The following TMEFF2 variants were observed in gnomAD, a reference collection of about 807,000 sequenced individuals.
TMEFF2 encodes the protein transmembrane protein with EGF like and two follistatin like domains 2, also known as tomoregulin-2.
In TMEFF2, 28 loss-of-function variants were observed where a neutral mutation model predicts 53.8. That is an observed-to-expected ratio of 0.52 (90% CI 0.39 to 0.71). The LOEUF is 0.71. Ranked by LOEUF, TMEFF2 falls within the 30% of genes least tolerant of loss-of-function variation. The pLI, the probability that TMEFF2 is intolerant of heterozygous loss-of-function variation, is 0.00. For synonymous variants in TMEFF2, 162 were observed against 166.3 expected, an observed-to-expected ratio of 0.97 and a Z score of 0.20; for missense variants, 353 against 455.2, an observed-to-expected ratio of 0.78 and a Z score of 2.04.
At chr2:191,984,396 G>C (rs561181244) in intron 7 of TMEFF2, among the ~76,000 whole-genome samples, 32 of 152,082 alleles carry the variant, frequency 2.1e-4, no homozygotes, top group African/African-American at 6.3e-4. Flanking sequence ...CTTACTTTCT[G>C]TTTATCCAGA....
At chr2:192,039,916 T>C (rs1437799341) in intron 5 of TMEFF2, among the ~76,000 whole-genome samples, 2 of 152,112 alleles carry the variant, frequency 1.3e-5, no homozygotes, top group Admixed American at 1.3e-4. Flanking sequence ...CTGTACTGGC[T>C]CATATAACTA....
At chr2:192,084,923 T>C (rs1454187944) in intron 4 of TMEFF2, among the ~76,000 whole-genome samples, 1 of 152,204 alleles carries the variant, frequency 6.6e-6, no homozygotes, top group Non-Finnish European at 1.5e-5. Flanking sequence ...AAAAATGCAA[T>C]TGTAGCTGTT....
chr2:192,184,422 T>C lies in TMEFF2; in HGVS notation c.344A>G (p.Tyr115Cys). The change falls in exon 3 of 10, where the codon TAC becomes TGC. Residue 115 changes from tyrosine (Y) to cysteine (C), a missense_variant. Physicochemically the swap from Tyr to Cys is radical, Grantham distance 194. Transcript: ENST00000272771. ...SNGESYQNEC[Y>C]LRQAACKQQS... Reference sequence around the variant, plus strand: ...CTGTTTGCATGCAGCCTGTCGCAGGTAACACTCATTCTGGTAGCTCTCCCC... The same window carrying C: ...CTGTTTGCATGCAGCCTGTCGCAGGCAACACTCATTCTGGTAGCTCTCCCC... 6.2e-7 allele frequency: 1 copy of C among 1,613,462 alleles called. No individual in the cohort carries two copies. Among genetic ancestry groups the C allele is most frequent in the South Asian group, 1.1e-5 (1 of 91,068 alleles).
chr2:192,055,827 C>CA (rs930124339), intron 5 of TMEFF2, among the ~76,000 whole-genome samples: 6 of 105,324 alleles, frequency 5.7e-5, no homozygotes, highest in Middle Eastern at 5.0e-3. Context: ...CAATAAAAAA[C>CA]AAAAAACATA....
chr2:192,073,307 A>T (rs939388923), intron 4 of TMEFF2, among the ~76,000 whole-genome samples: 1 of 151,916 alleles, frequency 6.6e-6, no homozygotes, highest in Non-Finnish European at 1.5e-5. Context: ...GAAAACTGCT[A>T]TATGTTGACA....
chr2:192,120,538 CCT>C lies in TMEFF2; in HGVS notation c.439+59128_439+59129del, dbSNP rs1406818117. Among the ~76,000 whole-genome samples the C allele has an allele frequency of 5.3e-5, 8 of 152,284 alleles. 1 individual carries two copies. In the East Asian group the frequency reaches 1.4e-3, roughly 26 times the overall value. On this transcript the variant is annotated intron_variant, in intron 4 of 9. Transcript: ENST00000272771. The stretch of plus-strand genomic sequence containing the variant: ...GGCATAAAATCCAACTTGTTCTTCC[CCT>C]CTCTGAAGAGAGAGCACCTTTGTGC...
chr2:191,964,390 CTTTCTTTCTCTTTCTTTCT>C (rs1559063682), intron 7 of TMEFF2, among the ~76,000 whole-genome samples: 5 of 32,876 alleles, frequency 1.5e-4, no homozygotes, highest in African/African-American at 5.1e-4. Flanking sequence ...TTCTTTCTTT[CTTTCTTTCTCTTTCTTTCT>C]TTCTTTCTTT....
chr2:192,133,307 C>G (rs1023847239), intron 4 of TMEFF2, among the ~76,000 whole-genome samples: 5 of 152,102 alleles, frequency 3.3e-5, no homozygotes, highest in African/African-American at 1.2e-4. Context: ...CCTTAACCCA[C>G]AAGTATAAGA....
chr2:192,029,979 C>G (rs1010341122), intron 5 of TMEFF2, among the ~76,000 whole-genome samples: 6 of 152,116 alleles, frequency 3.9e-5, no homozygotes, highest in African/African-American at 1.4e-4. Flanking sequence ...TGGAAAACTC[C>G]ACTGTGCATT....
intron 4 of TMEFF2, among the ~76,000 whole-genome samples, chr2:192,103,746 C>A (rs1213356908): frequency 6.6e-6 from 1 of 151,660 alleles, no homozygotes; most frequent in African/African-American, 2.4e-5. Context: ...ATGGTGGGGT[C>A]ATTAGTAGAA....
chr2:192,051,032 A>G (rs1465243029), intron 5 of TMEFF2, among the ~76,000 whole-genome samples: 1 of 152,128 alleles, frequency 6.6e-6, no homozygotes, highest in Non-Finnish European at 1.5e-5. Context: ...GTTCCCACTC[A>G]TTGACACAAA....
intron 5 of TMEFF2, among the ~76,000 whole-genome samples, chr2:192,002,049 G>C (rs1686378473): frequency 6.6e-6 from 1 of 150,398 alleles, no homozygotes; most frequent in Non-Finnish European, 1.5e-5. Flanking sequence ...TTTTCAGTTT[G>C]ACTAATCTGA....
chr2:192,108,161 T>C (rs1689194659), intron 4 of TMEFF2, among the ~76,000 whole-genome samples: 1 of 151,852 alleles, frequency 6.6e-6, no homozygotes, highest in South Asian at 2.1e-4. Flanking sequence ...TTAACTCTGA[T>C]ATTTTCCATA....
chr2:192,047,898 AGTAAACC>A (rs1687662653), intron 5 of TMEFF2, among the ~76,000 whole-genome samples: 1 of 152,216 alleles, frequency 6.6e-6, no homozygotes, highest in African/African-American at 2.4e-5. Context: ...ACTATTTGGA[AGTAAACC>A]ACAGAAGACC....
At chr2:192,130,051 T>C (rs1383440922) in intron 4 of TMEFF2, among the ~76,000 whole-genome samples, 1 of 152,230 alleles carries the variant, frequency 6.6e-6, no homozygotes, top group African/African-American at 2.4e-5. Flanking sequence ...CACTGTGATT[T>C]GTAGTTTTTA....
intron 5 of TMEFF2, among the ~76,000 whole-genome samples, chr2:192,043,503 A>T (rs1305665173): frequency 1.3e-5 from 2 of 152,176 alleles, no homozygotes; most frequent in East Asian, 3.9e-4. Context: ...CTAGCTCTGA[A>T]CTGACACTAA....
chr2:192,063,055 T>A (rs929007474), intron 4 of TMEFF2, among the ~76,000 whole-genome samples: 1 of 151,890 alleles, frequency 6.6e-6, no homozygotes, highest in Non-Finnish European at 1.5e-5. Flanking sequence ...ATTTTATTGA[T>A]TTCTGTTCTT....
At chr2:191,950,601 T>C in intron 9 of TMEFF2, 194 bp from the exon 10 acceptor site, 1 of 770,374 alleles carries the variant, frequency 1.3e-6, no homozygotes, top group Non-Finnish European at 2.2e-6. Flanking sequence ...CTTTAAATTT[T>C]TGTTGGGAAT....
chr2:192,143,068 A>G (rs779216918), intron 4 of TMEFF2, among the ~76,000 whole-genome samples: 27 of 152,168 alleles, frequency 1.8e-4, no homozygotes, highest in Non-Finnish European at 1.9e-4. Flanking sequence ...GCATGTATGG[A>G]TTCAAATTCA....
Sources: gnomAD v4.1 joint callset for allele counts (sites outside exome capture counted in the v4.1 genomes callset) on GRCh38, gnomAD v4.1.1 for gene constraint, MANE v1.5 for transcripts, NCBI Gene and HGNC (gene_info 2026-07-23, HGNC 2026-07-21) for gene names.